Variants in IREB2 observed in about 807,000 individuals in gnomAD.
IREB2 encodes iron-responsive element-binding protein 2.
IREB2 carries 39 observed loss-of-function variants against 118.8 expected under a neutral mutation model. The ratio of observed to expected loss-of-function variants is 0.33; its 90% confidence interval spans 0.25 to 0.43. The LOEUF is 0.43. IREB2 is among the 20% of genes least tolerant of loss of function. The pLI is 1.00. For missense variants in IREB2, 900 were observed against 1,147.3 expected (o/e 0.78, Z 3.11); for synonymous variants, 372 against 392.2 (o/e 0.95, Z 0.61).
chr15:78,470,177 T>C (rs1282695148), intron 5 of IREB2, among the ~76,000 whole-genome samples: 1 of 152,192 alleles, frequency 6.6e-6, no homozygotes, highest in South Asian at 2.1e-4. Flanking sequence ...AAGAGCCAGG[T>C]GGGGAGGAAA....
intron 13 of IREB2, among the ~76,000 whole-genome samples, chr15:78,487,224 G>A (rs2051676360): frequency 6.6e-6 from 1 of 152,046 alleles, no homozygotes; most frequent in Non-Finnish European, 1.5e-5. Context: ...CCTTTGGTCA[G>A]GTTATTATAG....
chr15:78,485,625 C>A, intron 12 of IREB2, 80 bp from the exon 13 acceptor site: 2 of 1,363,180 alleles, frequency 1.5e-6, no homozygotes, highest in South Asian at 2.8e-5. Context: ...AAATAAATTA[C>A]TTCTCACTTT....
chr15:78,442,246 A>C (rs915686661), intron 2 of IREB2, among the ~76,000 whole-genome samples: 2 of 151,738 alleles, frequency 1.3e-5, no homozygotes, highest in South Asian at 4.1e-4. Flanking sequence ...TTAAGTAATA[A>C]TTACTTAAGT....
chr15:78,463,174 C>G (rs999862547), intron 3 of IREB2, 87 bp downstream of exon 3: 6 of 1,146,778 alleles, frequency 5.2e-6, no homozygotes, highest in Non-Finnish European at 6.2e-6. Flanking sequence ...TGTGGTTGTT[C>G]ATACCTCTAA....
chr15:78,467,069 G>A lies in IREB2; in HGVS notation c.629+580G>A, dbSNP rs983398321. On this transcript the variant is annotated intron_variant, in intron 5 of 21. Transcript: ENST00000258886. ...CCTGTGTCTACAAAAAATTACCCGG[G>A]TGTGGTGTCGCGCCCCTGTGGTCCC... Among the ~76,000 whole-genome samples the A allele has an allele frequency of 2.6e-5, 4 of 151,996 alleles. No individual in the cohort carries two copies. In the East Asian group the frequency reaches 7.8e-4, roughly 30 times the overall value.
intron 13 of IREB2, among the ~76,000 whole-genome samples, chr15:78,486,275 A>G (rs1435774877): frequency 1.3e-5 from 2 of 152,248 alleles, no homozygotes; most frequent in Admixed American, 6.5e-5. Flanking sequence ...TCTATAATAC[A>G]TAAGTTTAAA....
chr15:78,456,105 T>C (rs961425031), intron 2 of IREB2, among the ~76,000 whole-genome samples: 2 of 152,200 alleles, frequency 1.3e-5, no homozygotes, highest in Admixed American at 1.3e-4. Flanking sequence ...ATCTCTGCCA[T>C]ACTCTAAATA....
chr15:78,494,289 C>A (rs201740668), intron 20 of IREB2, 25 bp downstream of exon 20: 1 of 1,602,692 alleles, frequency 6.2e-7, no homozygotes, highest in African/African-American at 1.3e-5. Context: ...AATTTATCAT[C>A]TTAAGCTTCA....
At chr15:78,493,602 A>ATTT (rs5813921) in intron 18 of IREB2, among the ~76,000 whole-genome samples, 4 of 149,216 alleles carry the variant, frequency 2.7e-5, no homozygotes, top group Non-Finnish European at 4.5e-5. Context: ...AATTATTGTG[A>ATTT]TTTTTTTTTT....
chr15:78,438,500 T>C (rs2050790864), intron 1 of IREB2, 144 bp downstream of exon 1: 2 of 898,574 alleles, frequency 2.2e-6, no homozygotes, highest in African/African-American at 3.3e-5. Flanking sequence ...GGGGCCTGCC[T>C]GCTGGGCCGC....
At chr15:78,466,612 A>AT in intron 5 of IREB2, 123 bp downstream of exon 5, 1 of 653,316 alleles carries the variant, frequency 1.5e-6, no homozygotes, top group Non-Finnish European at 2.6e-6. Context: ...ACTGAATTGA[A>AT]TTTTTATATG....
At chr15:78,488,888 T>C in intron 16 of IREB2, 117 bp downstream of exon 16, 2 of 627,188 alleles carry the variant, frequency 3.2e-6, no homozygotes, top group South Asian at 5.7e-5. Context: ...CAGTTTTTAA[T>C]GTGTAATAGT....
chr15:78,442,807 CA>C (rs1400192337), intron 2 of IREB2, among the ~76,000 whole-genome samples: 1 of 152,078 alleles, frequency 6.6e-6, no homozygotes, highest in Non-Finnish European at 1.5e-5. Context: ...GCATTATGTC[CA>C]AGTTAAATTT....
At chr15:78,477,463 A>G (rs1446385516) in intron 9 of IREB2, among the ~76,000 whole-genome samples, 2 of 152,252 alleles carry the variant, frequency 1.3e-5, no homozygotes, top group Admixed American at 6.5e-5. Flanking sequence ...AGGTAAGTCT[A>G]TCAGGCAAAA....
intron 18 of IREB2, among the ~76,000 whole-genome samples, chr15:78,492,245 A>G (rs2051763168): frequency 6.6e-6 from 1 of 152,100 alleles, no homozygotes; most frequent in South Asian, 2.1e-4. Context: ...TCCAGTAGCA[A>G]TACCCCCCGC....
At position 78,488,204 on chromosome 15, in the gene IREB2, T is replaced by C; in HGVS notation, c.1819T>C (p.Leu607=). ...GGGTGATTTGGTTACCTGTGGAATT[T>C]TATCTGGAAACAAAAATTTTGAAGG... is the stretch of plus-strand genomic sequence containing the variant. ...KQGDLVTCGI[L]SGNKNFEGRL... Residue 607 remains leucine, a synonymous_variant, in exon 15 of 22, where the codon TTA becomes CTA. Transcript: ENST00000258886. 4 of 1,607,872 alleles carry C rather than the reference T, an allele frequency of 2.5e-6. No individual in the cohort carries two copies. Among genetic ancestry groups the C allele is most frequent in the Non-Finnish European group, 3.4e-6 (4 of 1,178,324 alleles).
intron 9 of IREB2, among the ~76,000 whole-genome samples, chr15:78,477,611 C>T (rs1227947395): frequency 6.6e-6 from 1 of 152,084 alleles, no homozygotes; most frequent in East Asian, 1.9e-4. Context: ...TATCCTTACC[C>T]CCAAAGATTT....
At chr15:78,487,645 T>C in intron 13 of IREB2, 88 bp from the exon 14 acceptor site, 1 of 749,044 alleles carries the variant, frequency 1.3e-6, no homozygotes, top group Non-Finnish European at 2.4e-6. Context: ...AGTAATCTTA[T>C]TACAGTGATA....
chr15:78,445,217 G>A (rs530774883), intron 2 of IREB2, among the ~76,000 whole-genome samples: 15 of 149,656 alleles, frequency 1.0e-4, no homozygotes, highest in African/African-American at 2.9e-4. Context: ...AGTTCATTGC[G>A]TCCTCCAACT....
Sources: gnomAD v4.1 joint callset for allele counts (sites outside exome capture counted in the v4.1 genomes callset) on GRCh38, gnomAD v4.1.1 for gene constraint, MANE v1.5 for transcripts, NCBI Gene and HGNC (gene_info 2026-07-23, HGNC 2026-07-21) for gene names.